NSMCE2: variants seen among roughly 807,000 people sequenced by gnomAD.
NSMCE2 encodes E3 SUMO-protein ligase NSE2.
In NSMCE2, 24 loss-of-function variants were observed where a neutral mutation model predicts 23.8. The observed-to-expected ratio is 1.01, with a 90% CI of 0.73 to 1.42. The LOEUF (loss-of-function observed/expected upper bound fraction) is 1.42. NSMCE2 is among the 40% of genes most tolerant of loss of function. The pLI is 0.00. For missense variants in NSMCE2, 284 were observed against 296.5 expected, an observed-to-expected ratio of 0.96 and a Z score of 0.31; for synonymous variants, 92 against 94.1, an observed-to-expected ratio of 0.98 and a Z score of 0.13.
chr8:125,365,030 A>G (rs1438256927), intron 7 of NSMCE2, among the ~76,000 whole-genome samples: 1 of 152,138 alleles, frequency 6.6e-6, no homozygotes, highest in Non-Finnish European at 1.5e-5. Context: ...CTCAGAGAAG[A>G]CCACATCGAA....
chr8:125,363,524 GAA>G (rs1338248526), intron 7 of NSMCE2, among the ~76,000 whole-genome samples: 1 of 122,966 alleles, frequency 8.1e-6, no homozygotes, highest in African/African-American at 3.3e-5. Context: ...AAAGAGGAGA[GAA>G]AGAAAGAAAG....
At chr8:125,139,135 A>C (rs544585716) in intron 3 of NSMCE2, among the ~76,000 whole-genome samples, 2 of 152,182 alleles carry the variant, frequency 1.3e-5, no homozygotes, top group East Asian at 1.9e-4. Context: ...TTGCCATCAC[A>C]CTAAGAGCCA....
chr8:125,289,336 C>T (rs1563765515), intron 5 of NSMCE2, among the ~76,000 whole-genome samples: 1 of 152,216 alleles, frequency 6.6e-6, no homozygotes, highest in Non-Finnish European at 1.5e-5. Flanking sequence ...TGCCTCCCAT[C>T]TTTGCGTTTG....
chr8:125,131,219 T>C (rs1158874451), intron 3 of NSMCE2, among the ~76,000 whole-genome samples: 1 of 152,206 alleles, frequency 6.6e-6, no homozygotes, highest in Non-Finnish European at 1.5e-5. Context: ...GAGTGAAATT[T>C]ACATGGGTCT....
chr8:125,207,900 C>T (rs1586612473), intron 5 of NSMCE2, among the ~76,000 whole-genome samples: 1 of 152,174 alleles, frequency 6.6e-6, no homozygotes, highest in African/African-American at 2.4e-5. Flanking sequence ...CTGAAGAGCT[C>T]TTGAGGCCTG....
chr8:125,363,725 G>T (rs1013044605), intron 7 of NSMCE2, among the ~76,000 whole-genome samples: 1 of 151,902 alleles, frequency 6.6e-6, no homozygotes, highest in Non-Finnish European at 1.5e-5. Flanking sequence ...AGGAGAATTC[G>T]CTTTGAGACT....
chr8:125,358,785 G>T (rs1385776956), intron 7 of NSMCE2, among the ~76,000 whole-genome samples: 2 of 152,140 alleles, frequency 1.3e-5, no homozygotes, highest in Non-Finnish European at 2.9e-5. Flanking sequence ...GAATTCCCCA[G>T]CACTCCTCAT....
intron 3 of NSMCE2, among the ~76,000 whole-genome samples, chr8:125,128,928 TC>T (rs1461445373): frequency 6.6e-6 from 1 of 151,974 alleles, no homozygotes; most frequent in African/African-American, 2.4e-5. Flanking sequence ...ATAATCTTAA[TC>T]CCCCCTTTCC....
chr8:125,316,779 C>CTT lies in NSMCE2; in HGVS notation c.419-40439_419-40438insTT, dbSNP rs1563780428. Among the ~76,000 whole-genome samples the CTT allele has an allele frequency of 4.4e-3, 619 of 140,652 alleles. 7 individuals are homozygous for CTT. Among genetic ancestry groups the CTT allele is most frequent in the African/African-American group, 0.014 (523 of 36,688 alleles). The allele number at this position is 140,652 out of a possible 152,430, so 92.3% of individuals were successfully genotyped here. A position where few individuals can be genotyped will look rare whatever the true frequency, so the allele number is the denominator to read the frequency against. On this transcript the variant is annotated intron_variant, in intron 5 of 7. Transcript: ENST00000287437. ...TCCTTCCTTCCTTCCTTCTCTCTCT[C>CTT]TCTTTCTTTCTTTCTTTCTTCTTTC...
chr8:125,301,546 G>A (rs571839775), intron 5 of NSMCE2, among the ~76,000 whole-genome samples: 6 of 152,094 alleles, frequency 3.9e-5, no homozygotes, highest in Non-Finnish European at 8.8e-5. Flanking sequence ...TAGTTGTTAG[G>A]AGACAGCGTC....
intron 5 of NSMCE2, among the ~76,000 whole-genome samples, chr8:125,277,317 C>T (rs566310342): frequency 9.9e-5 from 15 of 152,254 alleles, no homozygotes; most frequent in Non-Finnish European, 1.5e-5. Flanking sequence ...CCTCAAGTCA[C>T]CTCTCTGAAG....
intron 3 of NSMCE2, among the ~76,000 whole-genome samples, chr8:125,137,870 T>C (rs771150074): frequency 6.6e-6 from 1 of 152,202 alleles, no homozygotes; most frequent in Non-Finnish European, 1.5e-5. Flanking sequence ...ACAGAGCTGT[T>C]GTAGTAAGGA....
intron 5 of NSMCE2, among the ~76,000 whole-genome samples, chr8:125,332,744 C>T (rs1290108961): frequency 6.6e-6 from 1 of 152,194 alleles, no homozygotes. Flanking sequence ...ATTTTGGTTA[C>T]AAGAAGCTTG....
chr8:125,215,660 G>C (rs1003687660), intron 5 of NSMCE2, among the ~76,000 whole-genome samples: 3 of 152,038 alleles, frequency 2.0e-5, no homozygotes, highest in African/African-American at 7.2e-5. Flanking sequence ...GGGTTTTTAT[G>C]GTTTTAGGTC....
chr8:125,346,459 T>G (rs1269981468), intron 5 of NSMCE2, among the ~76,000 whole-genome samples: 2 of 152,224 alleles, frequency 1.3e-5, no homozygotes, highest in Admixed American at 1.3e-4. Flanking sequence ...CAAAGGGCGC[T>G]CCTTACCTTC....
chr8:125,259,401 G>A (rs1826585760), intron 5 of NSMCE2, among the ~76,000 whole-genome samples: 1 of 152,182 alleles, frequency 6.6e-6, no homozygotes, highest in Non-Finnish European at 1.5e-5. Flanking sequence ...GGTGGCATTA[G>A]ATTCTGATAG....
chr8:125,310,329 T>A (rs1225881564), intron 5 of NSMCE2, among the ~76,000 whole-genome samples: 1 of 152,178 alleles, frequency 6.6e-6, no homozygotes, highest in Non-Finnish European at 1.5e-5. Context: ...CAGTTTTTTT[T>A]AATCCCTGAA....
intron 5 of NSMCE2, among the ~76,000 whole-genome samples, chr8:125,215,402 T>C (rs1035407441): frequency 5.3e-5 from 8 of 151,774 alleles, no homozygotes; most frequent in Non-Finnish European, 1.0e-4. Flanking sequence ...TAGTATTCCA[T>C]GGTGTATATA....
At chr8:125,123,037 T>C (rs1398021640) in intron 3 of NSMCE2, among the ~76,000 whole-genome samples, 1 of 152,132 alleles carries the variant, frequency 6.6e-6, no homozygotes, top group Non-Finnish European at 1.5e-5. Context: ...AGGCTAAGAA[T>C]GGGTTAAAAT....
Sources: gnomAD v4.1 joint callset for allele counts (sites outside exome capture counted in the v4.1 genomes callset) on GRCh38, gnomAD v4.1.1 for gene constraint, MANE v1.5 for transcripts, NCBI Gene and HGNC (gene_info 2026-07-23, HGNC 2026-07-21) for gene names.